EVI5: variants seen among roughly 807,000 people sequenced by gnomAD.
EVI5 encodes the protein ecotropic viral integration site 5 protein homolog.
EVI5 carries 73 observed loss-of-function variants against 112.0 expected under a neutral mutation model. The ratio of observed to expected loss-of-function variants is 0.65; its 90% confidence interval spans 0.54 to 0.79. EVI5 has a LOEUF of 0.79. EVI5 is among the 30% of genes least tolerant of loss of function. The probability of loss-of-function intolerance (pLI) is 0.00; values close to 1 mark genes in which losing one functional copy is unlikely to be tolerated. For synonymous variants in EVI5, 305 were observed against 319.9 expected (o/e 0.95, Z 0.50); for missense variants, 900 against 968.8 (o/e 0.93, Z 0.94).
intron 13 of EVI5, among the ~76,000 whole-genome samples, chr1:92,651,655 T>C (rs925850416): frequency 2.0e-5 from 3 of 146,622 alleles, no homozygotes; most frequent in Admixed American, 6.9e-5. Context: ...ATCGAGACCA[T>C]CCCGGCTAAA....
intron 1 of EVI5, among the ~76,000 whole-genome samples, chr1:92,790,858 CACCACTTT>C (rs1342867835): frequency 6.6e-6 from 1 of 151,996 alleles, no homozygotes; most frequent in Admixed American, 6.6e-5. Context: ...GCTTTAACCT[CACCACTTT>C]ACCACTTTAC....
At chr1:92,621,788 A>G (rs779922043) in intron 16 of EVI5, among the ~76,000 whole-genome samples, 8 of 152,242 alleles carry the variant, frequency 5.3e-5, no homozygotes, top group Admixed American at 1.3e-4. Context: ...ACATAAACTG[A>G]AATTAAGATG....
intron 19 of EVI5, among the ~76,000 whole-genome samples, chr1:92,557,217 T>C (rs1000018904): frequency 2.6e-5 from 4 of 152,146 alleles, no homozygotes; most frequent in Admixed American, 6.6e-5. Flanking sequence ...ATTTTGTTTA[T>C]AGCATACCAA....
At chr1:92,737,282 T>C (rs1677604192) in intron 1 of EVI5, among the ~76,000 whole-genome samples, 1 of 152,184 alleles carries the variant, frequency 6.6e-6, no homozygotes, top group African/African-American at 2.4e-5. Flanking sequence ...TTTCTAATAG[T>C]TGGCTTATTC....
At chr1:92,784,326 C>G (rs1480805328) in intron 1 of EVI5, 1 of 985,306 alleles carries the variant, frequency 1.0e-6, no homozygotes, top group African/African-American at 1.7e-5. Flanking sequence ...ACAAACTCTT[C>G]TCAAGTTCAT....
intron 16 of EVI5, among the ~76,000 whole-genome samples, chr1:92,620,289 T>C (rs1571926942): frequency 6.7e-6 from 1 of 148,912 alleles, no homozygotes; most frequent in African/African-American, 2.5e-5. Context: ...GAGGTTGTGG[T>C]GAGCTGAGAT....
intron 18 of EVI5, among the ~76,000 whole-genome samples, chr1:92,579,092 C>A (rs1671540139): frequency 6.6e-6 from 1 of 152,100 alleles, no homozygotes; most frequent in African/African-American, 2.4e-5. Context: ...AAATGCAGTA[C>A]TTATTTTATG....
At chr1:92,792,000 T>C (rs577316549) in intron 1 of EVI5, among the ~76,000 whole-genome samples, 4 of 152,338 alleles carry the variant, frequency 2.6e-5, no homozygotes, top group African/African-American at 9.6e-5. Context: ...CTAGGTCTCC[T>C]CTGTGAATGT....
intron 19 of EVI5, among the ~76,000 whole-genome samples, chr1:92,559,914 C>G (rs1478309191): frequency 6.6e-6 from 1 of 150,748 alleles, no homozygotes; most frequent in Non-Finnish European, 1.5e-5. Context: ...CATCATTGTT[C>G]TATATACTGG....
At chr1:92,603,206 G>A (rs1649565200) in intron 18 of EVI5, among the ~76,000 whole-genome samples, 1 of 152,216 alleles carries the variant, frequency 6.6e-6, no homozygotes, top group South Asian at 2.1e-4. Flanking sequence ...ATTAACAAGT[G>A]TTGGTGCAAA....
intron 18 of EVI5, among the ~76,000 whole-genome samples, chr1:92,565,968 A>AAAAAAAAAAAAAAG (rs1381249684): frequency 6.7e-6 from 1 of 150,078 alleles, no homozygotes; most frequent in African/African-American, 2.5e-5. Context: ...AAAAAAAAAA[A>AAAAAAAAAAAAAAG]GAAATGTTCT....
chr1:92,557,503 T>C (rs942889290), intron 19 of EVI5, among the ~76,000 whole-genome samples: 22 of 152,012 alleles, frequency 1.4e-4, no homozygotes, highest in African/African-American at 5.3e-4. Flanking sequence ...TTAGCCATGT[T>C]GGCCAGGCTA....
intron 18 of EVI5, among the ~76,000 whole-genome samples, chr1:92,581,509 C>A (rs1449800337): frequency 6.6e-6 from 1 of 152,174 alleles, no homozygotes; most frequent in Non-Finnish European, 1.5e-5. Flanking sequence ...TAAATGAATT[C>A]TCCTGGGATT....
chr1:92,763,508 G>A (rs1410409401), intron 1 of EVI5, among the ~76,000 whole-genome samples: 4 of 152,072 alleles, frequency 2.6e-5, no homozygotes, highest in African/African-American at 9.7e-5. Flanking sequence ...CCAGCTACTT[G>A]GGAGGCTGAC....
intron 18 of EVI5, among the ~76,000 whole-genome samples, chr1:92,565,051 C>T (rs960139310): frequency 2.0e-5 from 3 of 152,058 alleles, no homozygotes; most frequent in African/African-American, 7.2e-5. Context: ...AATTAGGAAG[C>T]CATGTGTTGA....
intron 9 of EVI5, among the ~76,000 whole-genome samples, chr1:92,688,348 C>T (rs1668909822): frequency 6.6e-6 from 1 of 151,940 alleles, no homozygotes; most frequent in Non-Finnish European, 1.5e-5. Flanking sequence ...GTACGTTGTG[C>T]ACATGTACCC....
chr1:92,718,636 G>A (rs1243767165), intron 2 of EVI5, among the ~76,000 whole-genome samples: 1 of 152,096 alleles, frequency 6.6e-6, no homozygotes, highest in Non-Finnish European at 1.5e-5. Flanking sequence ...AAAAGAACTA[G>A]AGAAGCAAGA....
chr1:92,681,501 C>T (rs1287422896), intron 9 of EVI5, among the ~76,000 whole-genome samples: 1 of 152,190 alleles, frequency 6.6e-6, no homozygotes, highest in African/African-American at 2.4e-5. Context: ...TAAGATTCAA[C>T]TCTTACAACT....
chr1:92,724,746 T>C (rs1353464300), intron 2 of EVI5, among the ~76,000 whole-genome samples: 2 of 152,014 alleles, frequency 1.3e-5, no homozygotes, highest in African/African-American at 4.8e-5. Context: ...AGGTCAAGGA[T>C]GCAGTGAGCT....
Sources: gnomAD v4.1 joint callset for allele counts (sites outside exome capture counted in the v4.1 genomes callset) on GRCh38, gnomAD v4.1.1 for gene constraint, MANE v1.5 for transcripts, NCBI Gene and HGNC (gene_info 2026-07-23, HGNC 2026-07-21) for gene names.